Variants in PSG3 observed in about 807,000 individuals in gnomAD.
The protein encoded by PSG3 is pregnancy-specific beta-1-glycoprotein 3.
A neutral mutation model predicts 47.5 loss-of-function variants in PSG3; 61 were observed. The ratio of observed to expected loss-of-function variants is 1.28; its 90% CI spans 1.05 to 1.59. The LOEUF is 1.59. PSG3 is among the 40% of genes most tolerant of loss of function. The pLI, the probability that PSG3 is intolerant of heterozygous loss-of-function variation, is 0.00. For synonymous variants in PSG3, 263 were observed against 198.4 expected, an observed-to-expected ratio of 1.33 and a Z score of -2.74; for missense variants, 756 against 524.0, an observed-to-expected ratio of 1.44 and a Z score of -4.32.
At chr19:42,735,854 C>T (rs1472998240) in intron 2 of PSG3, among the ~76,000 whole-genome samples, 1 of 152,076 alleles carries the variant, frequency 6.6e-6, no homozygotes, top group South Asian at 2.1e-4. Context: ...TGAAATGAGC[C>T]CATGGGGTTT....
intron 3 of PSG3, chr19:42,732,013 CCT>C (rs1969480223): frequency 6.6e-6 from 1 of 151,890 alleles, no homozygotes. Flanking sequence ...AAACATATTC[CCT>C]GTCCTGGGTT....
intron 5 of PSG3, among the ~76,000 whole-genome samples, chr19:42,724,618 T>C (rs1450081251): frequency 2.0e-5 from 3 of 152,150 alleles, no homozygotes; most frequent in African/African-American, 7.2e-5. Context: ...AAAACTTCTT[T>C]CTCTTTCTTT....
At chr19:42,725,336 A>G (rs1969359623) in intron 5 of PSG3, among the ~76,000 whole-genome samples, 1 of 152,206 alleles carries the variant, frequency 6.6e-6, no homozygotes. Context: ...CAGGTCAACA[A>G]CCTACTTTAA....
intron 5 of PSG3, among the ~76,000 whole-genome samples, chr19:42,725,421 T>C (rs147492478): frequency 0.018 from 2,783 of 152,152 alleles, 51 homozygotes; most frequent in Middle Eastern, 0.061. Flanking sequence ...TTAGAGTGGA[T>C]ATAAATAAAA....
At chr19:42,728,372 T>C (rs1969409320) in intron 5 of PSG3, among the ~76,000 whole-genome samples, 1 of 152,194 alleles carries the variant, frequency 6.6e-6, no homozygotes, top group African/African-American at 2.4e-5. Context: ...TCTCCAGCTC[T>C]GCATCAGTCA....
intron 5 of PSG3, 112 bp downstream of exon 5, chr19:42,729,011 C>CT (rs1170524323): frequency 1.3e-6 from 2 of 1,590,730 alleles, no homozygotes; most frequent in African/African-American, 2.7e-5. Context: ...TTGGGATTTG[C>CT]TTGTGCCCAT....
intron 5 of PSG3, among the ~76,000 whole-genome samples, chr19:42,726,601 C>T (rs185130437): frequency 6.6e-6 from 1 of 151,904 alleles, no homozygotes; most frequent in Non-Finnish European, 1.5e-5. Context: ...AATGATTATA[C>T]CTGAAATCTA....
chr19:42,737,460 T>C (rs1169854518), intron 2 of PSG3, among the ~76,000 whole-genome samples: 1 of 152,100 alleles, frequency 6.6e-6, no homozygotes, highest in Non-Finnish European at 1.5e-5. Flanking sequence ...CTTGTGACAG[T>C]GACATGGACA....
chr19:42,730,204 C>T (rs1344645332), intron 3 of PSG3, 148 bp from the exon 4 acceptor site: 4 of 1,440,974 alleles, frequency 2.8e-6, no homozygotes, highest in African/African-American at 1.4e-5. Context: ...AAGACAGATG[C>T]ATGATGATCT....
intron 3 of PSG3, chr19:42,732,198 A>T (rs919918229): frequency 3.8e-5 from 6 of 158,110 alleles, no homozygotes; most frequent in Non-Finnish European, 5.6e-5. Flanking sequence ...AAACAGACAT[A>T]GACCCCTCTA....
intron 2 of PSG3, among the ~76,000 whole-genome samples, chr19:42,734,917 AG>A (rs1166907162): frequency 6.6e-6 from 1 of 152,262 alleles, no homozygotes; most frequent in Admixed American, 6.5e-5. Context: ...TCTTAAGCTC[AG>A]GAAACACCAC....
chr19:42,739,177 A>G (rs1969623200), intron 1 of PSG3, 88 bp from the exon 2 acceptor site: 1 of 1,465,202 alleles, frequency 6.8e-7, no homozygotes, highest in African/African-American at 1.4e-5. Context: ...AGGTCTCTTC[A>G]ATCCTCAGCT....
chr19:42,724,411 C>G (rs767613055), intron 5 of PSG3, among the ~76,000 whole-genome samples: 2 of 152,198 alleles, frequency 1.3e-5, no homozygotes, highest in Non-Finnish European at 2.9e-5. Flanking sequence ...ATGGCAGAGA[C>G]TTGATTGACA....
intron 2 of PSG3, among the ~76,000 whole-genome samples, chr19:42,738,258 C>T (rs1969599366): frequency 6.6e-6 from 1 of 152,220 alleles, no homozygotes; most frequent in East Asian, 1.9e-4. Context: ...CCAGTAAGCC[C>T]TGCCCAAGAA....
chr19:42,725,734 T>G (rs2122162462), intron 5 of PSG3, among the ~76,000 whole-genome samples: 1 of 151,934 alleles, frequency 6.6e-6, no homozygotes, highest in African/African-American at 2.4e-5. Flanking sequence ...CATGGTGACA[T>G]GCACCTGTAG....
Position 42,739,090 on chromosome 19 carries a change from C to A in PSG3, c.65-1G>T. 6.3e-7 allele frequency: 1 copy of A among 1,597,984 alleles called. No individual in the cohort carries two copies. Among genetic ancestry groups the A allele is most frequent in the Non-Finnish European group, 8.6e-7 (1 of 1,168,122 alleles). ...AAGTTCCAGAAGTTTAAAAGTAATG[C>A]TAGGAGGTGGAGAGAGCATCAGTCA... is the stretch of plus-strand genomic sequence containing the variant. On this transcript the variant is annotated splice_acceptor_variant, in intron 1 of 6. Coordinates refer to ENST00000327495, the MANE Select transcript of PSG3 (RefSeq NM_021016.4). LOFTEE classifies it high-confidence loss of function.
At chr19:42,722,533 C>A (rs1010600291) in intron 6 of PSG3, among the ~76,000 whole-genome samples, 3 of 152,196 alleles carry the variant, frequency 2.0e-5, no homozygotes, top group Non-Finnish European at 4.4e-5. Context: ...GGATGACAGG[C>A]GTGAGCCATC....
At chr19:42,739,471 C>G (rs942707818) in intron 1 of PSG3, 1 of 229,534 alleles carries the variant, frequency 4.4e-6, no homozygotes, top group African/African-American at 2.2e-5. Context: ...CTGACCTTTC[C>G]CTGCTCTGCT....
intron 5 of PSG3, among the ~76,000 whole-genome samples, chr19:42,727,082 A>G (rs1182041417): frequency 2.0e-5 from 3 of 152,228 alleles, no homozygotes; most frequent in Non-Finnish European, 4.4e-5. Context: ...TCCAAGGGCA[A>G]GAACAGTGGA....
Sources: allele counts gnomAD v4.1 joint callset (sites outside exome capture counted in the v4.1 genomes callset), GRCh38; gene constraint gnomAD v4.1.1; transcripts MANE v1.5; gene names NCBI Gene and HGNC (gene_info 2026-07-23, HGNC 2026-07-21).